RIMBP2: variants seen among roughly 807,000 people sequenced by gnomAD.
The protein encoded by RIMBP2 is RIMS binding protein 2.
Under a neutral mutation model 118.6 loss-of-function variants are expected in RIMBP2, and 48 were observed. The observed-to-expected ratio is 0.40, with a 90% CI of 0.32 to 0.51. The LOEUF is 0.51. Among genes scored for constraint, RIMBP2 ranks in the 20% least tolerant of loss-of-function variants. The probability of loss-of-function intolerance (pLI) is 0.41; values close to 1 mark genes in which losing one functional copy is unlikely to be tolerated. For synonymous variants in RIMBP2, 762 were observed against 742.9 expected (o/e 1.03, Z -0.42); for missense variants, 1,551 against 1,768.3 (o/e 0.88, Z 2.20).
rs1593367575 is a variant in RIMBP2, at chr12:130,456,372, A to G, written c.358+124T>C. 5 of 736,116 alleles carry G rather than the reference A, an allele frequency of 6.8e-6. No homozygotes were observed. The East Asian group carries it at 1.1e-4, about 16-fold the overall frequency. The allele number at this position is 736,116 out of a possible 1,614,324, so 45.6% of individuals were successfully genotyped here. On this transcript the variant is annotated intron_variant, in intron 7 of 22. Transcript: ENST00000690449. The stretch of plus-strand genomic sequence containing the variant: ...GCCCTGTTCTCATCCTTCCCATTGC[A>G]GTGGCGGGTCCCTGTACCCTCTGCC...
rs776908573 is a variant in RIMBP2 at position 130,438,379 on chromosome 12, C to T, written c.1642G>A (p.Ala548Thr). ...GANVTGYGVY[A>T]KGQRVAEVIF... Reference sequence around the variant, plus strand: ...CGAAAACTCACCCTCTGCCCTTTGGCATACACGCCGTAGCCGGTAACGTTT... The same window carrying T: ...CGAAAACTCACCCTCTGCCCTTTGGTATACACGCCGTAGCCGGTAACGTTT... The change falls in exon 12 of 23, where the codon GCC (alanine) becomes ACC (threonine). Residue 548 changes from alanine to threonine, a missense_variant. Physicochemically the swap from Ala to Thr is moderately conservative, Grantham distance 58. Coordinates refer to ENST00000690449, the MANE Select transcript of RIMBP2 (RefSeq NM_001393629.1). 1.1e-5 allele frequency: 14 copies of T among 1,247,526 alleles called. No individual in the cohort carries two copies. The Admixed American group carries it at 1.2e-4, about 10-fold the overall frequency. 77.3% of individuals were successfully genotyped at this position (1,247,526 alleles called of 1,614,324 possible). A position where few individuals can be genotyped will look rare whatever the true frequency, so the allele number is the denominator to read the frequency against.
intron 1 of RIMBP2, among the ~76,000 whole-genome samples, chr12:130,676,827 C>T (rs548314376): frequency 2.0e-5 from 3 of 152,106 alleles, no homozygotes; most frequent in Non-Finnish European, 4.4e-5. Context: ...GGCAGAACTC[C>T]AGCAGGGACA....
At chr12:130,443,338 C>T (rs149560270) in intron 10 of RIMBP2, among the ~76,000 whole-genome samples, 1 of 152,008 alleles carries the variant, frequency 6.6e-6, no homozygotes, top group African/African-American at 2.4e-5. Flanking sequence ...CTTCTACGTG[C>T]TTTCTTCATT....
At chr12:130,660,191 A>C (rs1306702779) in intron 1 of RIMBP2, 1 of 151,492 alleles carries the variant, frequency 6.6e-6, no homozygotes, top group Non-Finnish European at 1.5e-5. Context: ...TACGTCTTCA[A>C]AAATCTTAAC....
chr12:130,644,544 C>T (rs759085937), intron 1 of RIMBP2, among the ~76,000 whole-genome samples: 20 of 152,236 alleles, frequency 1.3e-4, no homozygotes, highest in South Asian at 2.1e-4. Flanking sequence ...TTCGAGGAGC[C>T]GTATCATCAA....
intron 2 of RIMBP2, among the ~76,000 whole-genome samples, chr12:130,618,550 C>G (rs1243950312): frequency 6.7e-6 from 1 of 149,518 alleles, no homozygotes; most frequent in Non-Finnish European, 1.5e-5. Flanking sequence ...TTGCCACATC[C>G]AGGGGCTAGT....
intron 18 of RIMBP2, among the ~76,000 whole-genome samples, 193 bp from the exon 19 acceptor site, chr12:130,412,980 A>C (rs1431163419): frequency 6.6e-6 from 1 of 152,112 alleles, no homozygotes; most frequent in Non-Finnish European, 1.5e-5. Context: ...TATGACTCTG[A>C]CTTAAGAGCC....
At chr12:130,563,882 A>T (rs143805605) in intron 2 of RIMBP2, among the ~76,000 whole-genome samples, 10 of 152,286 alleles carry the variant, frequency 6.6e-5, no homozygotes, top group Middle Eastern at 3.4e-3. Flanking sequence ...TTTCCGTTTC[A>T]ATTATATACA....
intron 1 of RIMBP2, among the ~76,000 whole-genome samples, chr12:130,684,623 T>C (rs2064959283): frequency 6.6e-6 from 1 of 152,210 alleles, no homozygotes; most frequent in South Asian, 2.1e-4. Context: ...GACCCAGACT[T>C]AGGAGTGTCC....
At chr12:130,486,485 C>T (rs532395323) in intron 4 of RIMBP2, among the ~76,000 whole-genome samples, 109 of 141,588 alleles carry the variant, frequency 7.7e-4, no homozygotes, top group African/African-American at 2.7e-3. Flanking sequence ...GCCACTCATA[C>T]CCAACTGCCT....
At chr12:130,573,427 C>T (rs771966036) in intron 2 of RIMBP2, among the ~76,000 whole-genome samples, 1 of 150,800 alleles carries the variant, frequency 6.6e-6, no homozygotes, top group South Asian at 2.1e-4. Flanking sequence ...TGAGTGTGTG[C>T]GTGGGTGTGT....
At chr12:130,691,246 C>A (rs566679458) in intron 1 of RIMBP2, among the ~76,000 whole-genome samples, 1 of 152,224 alleles carries the variant, frequency 6.6e-6, no homozygotes, top group Non-Finnish European at 1.5e-5. Flanking sequence ...ACGCTGACCA[C>A]AGCAACGGCT....
chr12:130,568,014 CCCAGGA>C lies in RIMBP2; in HGVS notation c.-216-50103_-216-50098del, dbSNP rs1261217103. Among the ~76,000 whole-genome samples, 6 of 152,254 alleles carry C rather than the reference CCCAGGA, an allele frequency of 3.9e-5. No individual in the cohort carries two copies. In the East Asian group the frequency reaches 1.2e-3, roughly 29 times the overall value. ...CCAATTAAAAAAAAAGGCCCGTGGTCCCAGGACCATTATATATGATGTTTCCTCCAA... is the reference window on the plus strand; with the variant it reads ...CCAATTAAAAAAAAAGGCCCGTGGTCCCATTATATATGATGTTTCCTCCAA... On this transcript the variant is annotated intron_variant, in intron 2 of 22. Transcript: ENST00000690449.
intron 1 of RIMBP2, chr12:130,658,516 G>A (rs1418585778): frequency 1.3e-5 from 2 of 152,160 alleles, no homozygotes; most frequent in Non-Finnish European, 2.9e-5. Flanking sequence ...AAAAAAAGGA[G>A]ACCAGGAGCA....
chr12:130,517,023 TC>T (rs775789911), intron 3 of RIMBP2, among the ~76,000 whole-genome samples: 12 of 152,082 alleles, frequency 7.9e-5, no homozygotes, highest in Non-Finnish European at 1.3e-4. Flanking sequence ...TTTGAATGCA[TC>T]CCCCAAATTC....
intron 1 of RIMBP2, among the ~76,000 whole-genome samples, chr12:130,636,831 C>G (rs914417359): frequency 6.6e-6 from 1 of 152,188 alleles, no homozygotes; most frequent in Non-Finnish European, 1.5e-5. Context: ...TGGATACCTA[C>G]AGCTGGGTTT....
chr12:130,521,103 C>G (rs1340117941), intron 2 of RIMBP2, among the ~76,000 whole-genome samples: 1 of 152,180 alleles, frequency 6.6e-6, no homozygotes, highest in African/African-American at 2.4e-5. Flanking sequence ...ACCTCTCACC[C>G]TTCTGATCCT....
chr12:130,619,983 C>T (rs529152918), intron 2 of RIMBP2, among the ~76,000 whole-genome samples: 49 of 152,258 alleles, frequency 3.2e-4, no homozygotes, highest in Admixed American at 7.8e-4. Flanking sequence ...AGCAGGTGTG[C>T]GACGCTGTGC....
chr12:130,419,491 A>G lies in RIMBP2; in HGVS notation c.3238+2962T>C, dbSNP rs573132851. 3 of 152,362 alleles carry G rather than the reference A, an allele frequency of 2.0e-5. No homozygotes were observed. The South Asian group carries it at 6.2e-4, about 32-fold the overall frequency. 9.4% of individuals were successfully genotyped at this position (152,362 alleles called of 1,614,324 possible). On this transcript the variant is annotated intron_variant, in intron 17 of 22. Transcript: ENST00000690449. The surrounding 1 kb of genome is among the most constrained non-coding windows in gnomAD (Gnocchi z 4.3). ...ACTGCTACTGTCCGTTGTAATTTCT[A>G]TGGAGATAAAGGGAATCATCTATTA...
Sources: allele counts gnomAD v4.1 joint callset (sites outside exome capture counted in the v4.1 genomes callset), GRCh38; gene constraint gnomAD v4.1.1; non-coding constraint Gnocchi (gnomAD v3.1); transcripts MANE v1.5; gene names NCBI Gene and HGNC (gene_info 2026-07-23, HGNC 2026-07-21).